RIMS2: variants seen among roughly 807,000 people sequenced by gnomAD.
RIMS2 encodes the protein regulating synaptic membrane exocytosis protein 2.
A neutral mutation model predicts 174.4 loss-of-function variants in RIMS2; 59 were observed. The observed-to-expected ratio is 0.34, with a 90% CI of 0.27 to 0.42. The LOEUF is 0.42. Ranked by LOEUF, RIMS2 falls within the 10% of genes least tolerant of loss-of-function variation. The probability of loss-of-function intolerance (pLI) is 1.00; values close to 1 mark genes in which losing one functional copy is unlikely to be tolerated. For missense variants in RIMS2, 1,620 were observed against 1,666.3 expected, an observed-to-expected ratio of 0.97 and a Z score of 0.48; for synonymous variants, 606 against 572.5, an observed-to-expected ratio of 1.06 and a Z score of -0.84.
intron 19 of RIMS2, among the ~76,000 whole-genome samples, chr8:104,159,298 G>A (rs536848653): frequency 1.1e-4 from 16 of 152,280 alleles, no homozygotes; most frequent in Admixed American, 7.2e-4. Context: ...GGTTACTGTA[G>A]CCTTGTAGTA....
intron 10 of RIMS2, chr8:103,922,742 G>A (rs372854020): frequency 6.8e-6 from 2 of 296,264 alleles, no homozygotes; most frequent in East Asian, 1.0e-4. Context: ...GGTTTTTTTT[G>A]GGGGTGGGTG....
At chr8:103,729,227 T>C (rs71520846) in intron 2 of RIMS2, among the ~76,000 whole-genome samples, 343 of 152,266 alleles carry the variant, frequency 2.3e-3, no homozygotes, top group Middle Eastern at 0.01. Context: ...GCTGGGAAAC[T>C]TTTAATTATG....
chr8:103,874,235 G>A (rs1594304924), intron 3 of RIMS2, among the ~76,000 whole-genome samples: 1 of 152,008 alleles, frequency 6.6e-6, no homozygotes, highest in East Asian at 1.9e-4. Context: ...TCAGACCAAT[G>A]TCCTTAAGAG....
At chr8:103,519,733 C>CT (rs56922734) in intron 1 of RIMS2, among the ~76,000 whole-genome samples, 9,031 of 131,310 alleles carry the variant, frequency 0.069, 368 homozygotes, top group Non-Finnish European at 0.092. Flanking sequence ...GGCTTTACTA[C>CT]TTTTTTTTTT....
chr8:104,025,653 A>G (rs1293872298), intron 19 of RIMS2, among the ~76,000 whole-genome samples: 1 of 152,058 alleles, frequency 6.6e-6, no homozygotes, highest in Non-Finnish European at 1.5e-5. Context: ...TTTGTTTTAT[A>G]TTTGAAGTCA....
chr8:104,135,672 C>T (rs1016106833), intron 19 of RIMS2, among the ~76,000 whole-genome samples: 57 of 147,912 alleles, frequency 3.9e-4, no homozygotes, highest in South Asian at 2.8e-3. Context: ...AGAGAAGCAG[C>T]ATGTGGTAGG....
At chr8:103,755,932 T>C (rs1474585133) in intron 2 of RIMS2, among the ~76,000 whole-genome samples, 1 of 152,202 alleles carries the variant, frequency 6.6e-6, no homozygotes, top group Non-Finnish European at 1.5e-5. Flanking sequence ...TTCTGTCAAC[T>C]CATCAAAGTC....
At chr8:103,557,110 T>C (rs1471692313) in intron 1 of RIMS2, among the ~76,000 whole-genome samples, 1 of 152,206 alleles carries the variant, frequency 6.6e-6, no homozygotes, top group African/African-American at 2.4e-5. Context: ...TGAAAAAATG[T>C]ATGTAAAGTA....
chr8:103,864,568 CT>C lies in RIMS2; in HGVS notation c.699-20729del, dbSNP rs566658778. Among the ~76,000 whole-genome samples, 238 of 152,176 alleles carry C rather than the reference CT, an allele frequency of 1.6e-3. 4 individuals are homozygous for C. The highest frequency in any genetic ancestry group is 3.4e-3 in the Middle Eastern group (1 of 294). ...TATGATTTTGATTTTAAAAAATTTC[CT>C]GAGACTTACTTTATGCTAAATTTAT... On this transcript the variant is annotated intron_variant, in intron 3 of 23. Coordinates refer to ENST00000504942, the Ensembl canonical transcript of RIMS2.
chr8:103,694,151 G>A (rs923380575), intron 1 of RIMS2, among the ~76,000 whole-genome samples: 8 of 152,136 alleles, frequency 5.3e-5, no homozygotes, highest in African/African-American at 1.7e-4. Flanking sequence ...GGCCTGGAGG[G>A]TGGGCCTCAG....
intron 1 of RIMS2, among the ~76,000 whole-genome samples, chr8:103,529,441 A>T (rs1048870171): frequency 6.6e-6 from 1 of 152,290 alleles, no homozygotes; most frequent in South Asian, 2.1e-4. Flanking sequence ...GCGGGATATA[A>T]TCTCCTGGTG....
At chr8:103,790,120 G>C (rs995562760) in intron 3 of RIMS2, among the ~76,000 whole-genome samples, 1 of 152,226 alleles carries the variant, frequency 6.6e-6, no homozygotes, top group East Asian at 1.9e-4. Context: ...TAATTCATGT[G>C]TCATAAAATT....
chr8:103,683,667 G>T (rs1348557986), intron 1 of RIMS2, among the ~76,000 whole-genome samples: 1 of 152,202 alleles, frequency 6.6e-6, no homozygotes, highest in African/African-American at 2.4e-5. Flanking sequence ...TCAAAGTTAG[G>T]AAGTGTATCA....
At chr8:103,977,665 C>T (rs2093566011) in intron 16 of RIMS2, among the ~76,000 whole-genome samples, 1 of 152,120 alleles carries the variant, frequency 6.6e-6, no homozygotes. Flanking sequence ...AAGGCTCAGT[C>T]CCACAAGGCT....
chr8:104,198,026 A>G (rs921950692), intron 19 of RIMS2, among the ~76,000 whole-genome samples: 4 of 152,144 alleles, frequency 2.6e-5, no homozygotes, highest in Admixed American at 2.0e-4. Flanking sequence ...CTTCAAAAGT[A>G]TACCTATGTT....
At chr8:104,105,991 A>G (rs746448640) in intron 19 of RIMS2, among the ~76,000 whole-genome samples, 10 of 127,270 alleles carry the variant, frequency 7.9e-5, no homozygotes, top group Non-Finnish European at 1.4e-4. Flanking sequence ...GTGAGCCAAG[A>G]TTGTGCCACT....
intron 3 of RIMS2, among the ~76,000 whole-genome samples, chr8:103,777,401 A>C (rs2098330051): frequency 6.6e-6 from 1 of 151,890 alleles, no homozygotes; most frequent in South Asian, 2.1e-4. Context: ...TTCACTGGTC[A>C]GCTGTTCTAC....
At chr8:103,510,885 A>G (rs1029146980) in intron 1 of RIMS2, among the ~76,000 whole-genome samples, 2 of 152,160 alleles carry the variant, frequency 1.3e-5, no homozygotes, top group Non-Finnish European at 2.9e-5. Flanking sequence ...TTGGGGGGCC[A>G]TTTATTCTCC....
chr8:103,636,627 T>C (rs2014676), intron 1 of RIMS2, among the ~76,000 whole-genome samples: 6,510 of 152,216 alleles, frequency 0.043, 260 homozygotes, highest in East Asian at 0.16. Flanking sequence ...GGTCAGGTTG[T>C]TTTCCTGATT....
Sources: allele counts gnomAD v4.1 joint callset (sites outside exome capture counted in the v4.1 genomes callset), GRCh38; gene constraint gnomAD v4.1.1; transcripts MANE v1.5; gene names NCBI Gene and HGNC (gene_info 2026-07-23, HGNC 2026-07-21).